Variants in ANO10 observed in about 807,000 individuals in gnomAD.
The protein encoded by ANO10 is anoctamin 10, also known as anoctamin-10.
A neutral mutation model predicts 74.7 loss-of-function variants in ANO10; 77 were observed. The observed-to-expected ratio is 1.03, with a 90% CI of 0.86 to 1.25. The LOEUF (loss-of-function observed/expected upper bound fraction) is 1.25. Ranked by LOEUF, ANO10 falls within the 50% of genes most tolerant of loss-of-function variation. The pLI, the probability that ANO10 is intolerant of heterozygous loss-of-function variation, is 0.00. For missense variants in ANO10, 721 were observed against 778.1 expected, an observed-to-expected ratio of 0.93 and a Z score of 0.87; for synonymous variants, 279 against 284.9, an observed-to-expected ratio of 0.98 and a Z score of 0.21.
At chr3:43,572,243 C>A (rs1472311159) in intron 7 of ANO10, among the ~76,000 whole-genome samples, 2 of 152,188 alleles carry the variant, frequency 1.3e-5, no homozygotes, top group East Asian at 3.8e-4. Flanking sequence ...AGGACCCCCC[C>A]ACCAACAATA....
intron 11 of ANO10, among the ~76,000 whole-genome samples, chr3:43,489,814 G>A (rs2076649713): frequency 6.6e-6 from 1 of 151,870 alleles, no homozygotes; most frequent in Non-Finnish European, 1.5e-5. Flanking sequence ...AAAAAACAAG[G>A]GGTAAAATTT....
intron 12 of ANO10, among the ~76,000 whole-genome samples, chr3:43,367,308 G>C (rs2091447545): frequency 6.6e-6 from 1 of 152,210 alleles, no homozygotes; most frequent in African/African-American, 2.4e-5. Flanking sequence ...CACAGGCTTG[G>C]GACCAAGTGC....
At chr3:43,447,382 C>G (rs1187052545) in intron 11 of ANO10, among the ~76,000 whole-genome samples, 3 of 152,212 alleles carry the variant, frequency 2.0e-5, no homozygotes, top group Non-Finnish European at 4.4e-5. Flanking sequence ...TGATATCCCT[C>G]TGGTGGATTT....
chr3:43,630,177 T>G (rs769208843), intron 1 of ANO10, among the ~76,000 whole-genome samples: 1 of 152,148 alleles, frequency 6.6e-6, no homozygotes, highest in Non-Finnish European at 1.5e-5. Flanking sequence ...AGATAAGAAC[T>G]GAAAAAATAA....
intron 11 of ANO10, among the ~76,000 whole-genome samples, chr3:43,488,013 C>T (rs981928788): frequency 5.9e-5 from 9 of 152,104 alleles, no homozygotes; most frequent in African/African-American, 9.7e-5. Flanking sequence ...CAAATAACGC[C>T]GCGTATCTAC....
chr3:43,676,624 A>T (rs575329637), intron 1 of ANO10, among the ~76,000 whole-genome samples: 1 of 152,224 alleles, frequency 6.6e-6, no homozygotes, highest in African/African-American at 2.4e-5. Flanking sequence ...TCGTGATGGA[A>T]ATGTTCCACA....
chr3:43,529,471 A>T (rs1325242716), intron 11 of ANO10, among the ~76,000 whole-genome samples: 2 of 152,198 alleles, frequency 1.3e-5, no homozygotes, highest in Non-Finnish European at 2.9e-5. Flanking sequence ...GGTGATGAGT[A>T]TGCTCATTAT....
At chr3:43,651,332 T>C (rs1469018605) in intron 1 of ANO10, among the ~76,000 whole-genome samples, 2 of 152,162 alleles carry the variant, frequency 1.3e-5, no homozygotes, top group African/African-American at 4.8e-5. Flanking sequence ...TAAAAGGATA[T>C]ATAATCTTAC....
At chr3:43,639,354 G>A (rs552521767) in intron 1 of ANO10, among the ~76,000 whole-genome samples, 1 of 152,300 alleles carries the variant, frequency 6.6e-6, no homozygotes, top group Admixed American at 6.5e-5. Flanking sequence ...GATCTAGAGG[G>A]CTCCCGTCCA....
intron 1 of ANO10, among the ~76,000 whole-genome samples, chr3:43,627,953 C>G (rs926836733): frequency 6.6e-6 from 1 of 152,050 alleles, no homozygotes; most frequent in African/African-American, 2.4e-5. Context: ...GTGGCGCTAT[C>G]TAGGCTTACC....
intron 12 of ANO10, among the ~76,000 whole-genome samples, chr3:43,427,565 T>C (rs554890209): frequency 1.3e-5 from 2 of 152,334 alleles, no homozygotes; most frequent in South Asian, 4.1e-4. Context: ...ATAAGCTTAC[T>C]ATCAATATCT....
rs112774666 is a variant in ANO10 at position 43,580,043 on chromosome 3, G to C, written c.592+310C>G. On this transcript the variant is annotated intron_variant, in intron 5 of 12. Coordinates refer to ENST00000292246, the MANE Select transcript of ANO10 (RefSeq NM_018075.5). ...GCCTGTGATCTCAGCTACTCAGAAG[G>C]CTGAGATGGGAGGATTGATTAAGTC... is the stretch of plus-strand genomic sequence containing the variant. Among the ~76,000 whole-genome samples the C allele has an allele frequency of 0.018, 2,691 of 151,522 alleles. 70 individuals carry two copies. Among genetic ancestry groups the C allele is most frequent in the African/African-American group, 0.06 (2,483 of 41,234 alleles).
intron 1 of ANO10, among the ~76,000 whole-genome samples, chr3:43,649,330 A>T (rs2083760858): frequency 6.6e-6 from 1 of 152,236 alleles, no homozygotes; most frequent in Non-Finnish European, 1.5e-5. Context: ...CTTTTATATT[A>T]ACGTAAGTAC....
chr3:43,559,613 G>A (rs1356352884), intron 9 of ANO10, among the ~76,000 whole-genome samples: 2 of 152,076 alleles, frequency 1.3e-5, no homozygotes, highest in South Asian at 2.1e-4. Flanking sequence ...GGTGATGGCT[G>A]GTGACAGAAG....
At chr3:43,500,488 G>A (rs1022739172) in intron 11 of ANO10, among the ~76,000 whole-genome samples, 1 of 152,210 alleles carries the variant, frequency 6.6e-6, no homozygotes, top group Non-Finnish European at 1.5e-5. Flanking sequence ...ATGGCCCAGT[G>A]TTGACATTCA....
chr3:43,583,905 C>T (rs2149425441), intron 4 of ANO10, among the ~76,000 whole-genome samples: 1 of 152,276 alleles, frequency 6.6e-6, no homozygotes, highest in Non-Finnish European at 1.5e-5. Flanking sequence ...GCCAGGTGGT[C>T]CCATCAATCA....
chr3:43,571,980 G>A (rs188696580), intron 7 of ANO10, among the ~76,000 whole-genome samples: 19 of 151,852 alleles, frequency 1.3e-4, no homozygotes, highest in South Asian at 1.0e-3. Flanking sequence ...TAACAAACAA[G>A]GCAACCAAAG....
At chr3:43,372,829 C>CCAGCTTG (rs1258964136) in intron 12 of ANO10, 25 of 1,535,118 alleles carry the variant, frequency 1.6e-5, no homozygotes, top group Admixed American at 2.0e-5. Context: ...GGAAGAGAGA[C>CCAGCTTG]CAGCTTGCAG....
intron 11 of ANO10, among the ~76,000 whole-genome samples, chr3:43,448,940 C>T (rs1295389615): frequency 3.4e-5 from 5 of 146,862 alleles, no homozygotes; most frequent in African/African-American, 1.2e-4. Context: ...GGTGCGATCT[C>T]GGCTCATTGC....
Sources: gnomAD v4.1 joint callset for allele counts (sites outside exome capture counted in the v4.1 genomes callset) on GRCh38, gnomAD v4.1.1 for gene constraint, MANE v1.5 for transcripts, NCBI Gene and HGNC (gene_info 2026-07-23, HGNC 2026-07-21) for gene names.